The following TTN variants were observed in gnomAD, a reference collection of about 807,000 sequenced individuals.
The protein encoded by TTN is connectin.
A neutral mutation model predicts 3,223.0 loss-of-function variants in TTN; 1,525 were observed. The observed-to-expected ratio is 0.47, with a 90% CI of 0.45 to 0.49. The LOEUF (loss-of-function observed/expected upper bound fraction) is 0.49. Ranked by LOEUF, TTN falls within the 20% of genes least tolerant of loss-of-function variation. TTN has a pLI of 0.00. For missense variants in TTN, 40,786 were observed against 43,424.0 expected, an observed-to-expected ratio of 0.94 and a Z score of 5.40; for synonymous variants, 14,094 against 15,161.0, an observed-to-expected ratio of 0.93 and a Z score of 5.17.
At chr2:178,647,317 A>G in intron 214 of TTN, 64 bp downstream of exon 214, 1 of 1,508,884 alleles carries the variant, frequency 6.6e-7, no homozygotes, top group Non-Finnish European at 9.0e-7. Context: ...AGATTCATCT[A>G]CAATCAAAGC....
At position 178,621,906 on chromosome 2, in the gene TTN, C is replaced by A. The variant is rs557941825; in HGVS notation, c.45016G>T (p.Asp15006Tyr). ...TCACAGGAATATTCAGCTTCATCAT[C>A]CAGTAGACATTTGTTGATGACAAGA... ...RILVINKCLL[D>Y]DEAEYSCEVR... Residue 15006 changes from aspartate (D) to tyrosine (Y), a missense_variant, in exon 244 of 363, where the codon GAT (aspartate) becomes TAT (tyrosine). Physicochemically the swap from Asp to Tyr is radical, Grantham distance 160. Coordinates refer to ENST00000589042, the MANE Select transcript of TTN (RefSeq NM_001267550.2). The A allele has an allele frequency of 6.2e-7, 1 of 1,612,208 alleles. No homozygotes were observed. Among genetic ancestry groups the A allele is most frequent in the East Asian group, 2.2e-5 (1 of 44,590 alleles).
At chr2:178,710,068 T>C (rs1000651948) in intron 98 of TTN, among the ~76,000 whole-genome samples, 3 of 152,192 alleles carry the variant, frequency 2.0e-5, no homozygotes, top group Non-Finnish European at 4.4e-5. Context: ...TGATAAGAAG[T>C]AACTCATGGC....
chr2:178,672,662 G>A lies in TTN; in HGVS notation c.34828C>T (p.Gln11610Ter). ...TTGGCTGGGGGTGCCTCTTTTTTCT[G>A]AACAGGAACAGGTACTTTTTCCTCA... is the stretch of plus-strand genomic sequence containing the variant. ...IPEEKVPVPV[Q>*]KKEAPPAKVP... The change falls in exon 153 of 363, where the codon CAG becomes TAG. Residue 11610 changes from glutamine (Q) to a stop codon, truncating the protein, a stop_gained. Coordinates refer to ENST00000589042, the MANE Select transcript of TTN (RefSeq NM_001267550.2). LOFTEE classifies it high-confidence loss of function. The A allele has an allele frequency of 6.2e-7, 1 of 1,609,944 alleles. No homozygotes were observed.
At chr2:178,796,358 A>G (rs774668035) in intron 6 of TTN, among the ~76,000 whole-genome samples, 13 of 152,220 alleles carry the variant, frequency 8.5e-5, no homozygotes, top group Non-Finnish European at 1.8e-4. Flanking sequence ...TTTAGCTTAC[A>G]CTGATCATAC....
chr2:178,569,973 G>A lies in TTN; in HGVS notation c.76159C>T (p.Leu25387Phe), dbSNP rs879225322. The A allele has an allele frequency of 4.3e-6, 7 of 1,612,272 alleles. No homozygotes were observed. The highest frequency in any genetic ancestry group is 4.2e-6 in the Non-Finnish European group (5 of 1,178,966). Residue 25387 changes from leucine (L) to phenylalanine (F), a missense_variant, in exon 326 of 363, where the codon CTT becomes TTT. Physicochemically the swap from Leu to Phe is conservative, Grantham distance 22. Transcript: ENST00000589042. ...GCAGAAGGAGGGCTTGGTTCACTAA[G>A]TCCAGCAGCATTCTCAGCAGAAACT... ...FRVSAENAAG[L>F]SEPSPPSAYQ...
chr2:178,763,918 T>G (rs1478989269), intron 43 of TTN, among the ~76,000 whole-genome samples: 5 of 106,940 alleles, frequency 4.7e-5, no homozygotes, highest in Non-Finnish European at 9.8e-5. Flanking sequence ...TTTTTTAATA[T>G]TAGTGAAAAA....
rs909355106 is a variant in TTN at position 178,612,101 on chromosome 2, T to G, written c.50310A>C (p.Leu16770=). The change falls in exon 267 of 363, where the codon CTA becomes CTC. Residue 16770 remains leucine, a synonymous_variant. Transcript: ENST00000589042. ...VVDVTKRHVD[L]KWEPPKNDGG... ...CATCATTTTTAGGTGGCTCCCACTT[T>G]AGGTCAACATGTCGTTTTGTCACAT... The G allele has an allele frequency of 1.9e-6, 3 of 1,612,030 alleles. No homozygotes were observed. The Admixed American group carries it at 5.0e-5, about 27-fold the overall frequency.
rs2055238323 is a variant in TTN, at chr2:178,607,704, C to T, written c.53003-19G>A. ...GGAGGCTCTGTTGAAAGAGAACAGT[C>T]ATGCATTAGCCCATGAAAGATTAAA... On this transcript the variant is annotated intron_variant, in intron 276 of 362. Coordinates refer to ENST00000589042, the MANE Select transcript of TTN (RefSeq NM_001267550.2). 1 of 1,612,560 alleles carries T rather than the reference C, an allele frequency of 6.2e-7. No individual in the cohort carries two copies. Among genetic ancestry groups the T allele is most frequent in the Non-Finnish European group, 8.5e-7 (1 of 1,179,256 alleles).
Position 178,590,538 on chromosome 2 carries a change from A to G in TTN, c.61187T>C (p.Leu20396Pro). The change falls in exon 304 of 363, where the codon CTC becomes CCC. Residue 20396 changes from leucine (L) to proline (P), a missense_variant. Transcript: ENST00000589042. The part of the protein sequence containing the change: ...ETADLVWTKP[L>P]SDGGSPILGY... The stretch of plus-strand genomic sequence containing the variant: ...TAGAATGGGGCTACCACCATCACTG[A>G]GAGGCTTTGTCCACACCAAATCAGC... 4 of 1,612,874 alleles carry G rather than the reference A, an allele frequency of 2.5e-6. No individual in the cohort carries two copies. Among genetic ancestry groups the G allele is most frequent in the Non-Finnish European group, 3.4e-6 (4 of 1,179,336 alleles).
chr2:178,560,856 C>T lies in TTN; in HGVS notation c.85276G>A (p.Gly28426Arg). Residue 28426 changes from glycine to arginine, a missense_variant, in exon 326 of 363, where the codon GGG (glycine) becomes AGG (arginine). By Grantham distance (125) the Gly-to-Arg change is moderately radical. Transcript: ENST00000589042. Reference sequence around the variant, plus strand: ...TTCTTCAGTGTTAGTACATATTGCCCAGTGTCTCGTCTTATACAGTCTTTA... The same window carrying T: ...TTCTTCAGTGTTAGTACATATTGCCTAGTGTCTCGTCTTATACAGTCTTTA... ...TVKDCIRRDT[G>R]QYVLTLKNVA... is the part of the protein sequence containing the mutation. 6.2e-7 allele frequency: 1 copy of T among 1,613,652 alleles called. No individual in the cohort carries two copies. Among genetic ancestry groups the T allele is most frequent in the Non-Finnish European group, 8.5e-7 (1 of 1,179,784 alleles).
chr2:178,527,652 G>A lies in TTN; in HGVS notation c.107474C>T (p.Ala35825Val). Residue 35825 changes from alanine (A) to valine (V), a missense_variant, in exon 362 of 363, where the codon GCC (alanine) becomes GTC (valine). Coordinates refer to ENST00000589042, the MANE Select transcript of TTN (RefSeq NM_001267550.2). The stretch of plus-strand genomic sequence containing the variant: ...GCTGAAGGAGGCCTCCTGCTTGGAG[G>A]CAGACATTTGGACTGACTGAGACGA... Reference protein sequence around the residue: ...SFSSQSVQMSASKQEASFSSF... With the variant: ...SFSSQSVQMSVSKQEASFSSF... 6.2e-7 allele frequency: 1 copy of A among 1,613,918 alleles called. No individual in the cohort carries two copies.
At position 178,802,274 on chromosome 2, in the gene TTN, G is replaced by T; in HGVS notation, c.159C>A (p.Gly53=). 2 of 1,614,142 alleles carry T rather than the reference G, an allele frequency of 1.2e-6. No individual in the cohort carries two copies. Among genetic ancestry groups the T allele is most frequent in the East Asian group, 2.2e-5 (1 of 44,864 alleles). ...GGCCATCGCTAAAGGAGATCTGCAC[G>T]CCGGGCAGAGTGGAAGTGGAAATCA... ...GQVISTSTLP[G]VQISFSDGRA... Residue 53 remains glycine, a synonymous_variant, in exon 3 of 363, where the codon GGC becomes GGA. Coordinates refer to ENST00000589042, the MANE Select transcript of TTN (RefSeq NM_001267550.2).
At position 178,580,372 on chromosome 2, in the gene TTN, A is replaced by G; in HGVS notation, c.67007T>C (p.Leu22336Pro). Reference protein sequence around the residue: ...KYDAGKYILTLENSCGKKEYT... With the variant: ...KYDAGKYILTPENSCGKKEYT... The stretch of plus-strand genomic sequence containing the variant: ...TTCCTTTTTACCACAGCTGTTCTCC[A>G]GGGTTAAGATATATTTTCCTGCATC... The change falls in exon 317 of 363, where the codon CTG becomes CCG. Residue 22336 changes from leucine (L) to proline (P), a missense_variant. Physicochemically the swap from Leu to Pro is moderately conservative, Grantham distance 98. Transcript: ENST00000589042. 5 of 1,613,280 alleles carry G rather than the reference A, an allele frequency of 3.1e-6. No homozygotes were observed. The highest frequency in any genetic ancestry group is 4.2e-6 in the Non-Finnish European group (5 of 1,179,442).
rs528675109 is a variant in TTN, at chr2:178,795,078, C to T, written c.1089G>A (p.Thr363=). The change falls in exon 7 of 363, where the codon ACG becomes ACA. Residue 363 remains threonine, a synonymous_variant. Coordinates refer to ENST00000589042, the MANE Select transcript of TTN (RefSeq NM_001267550.2). ...TCCTGATCTGAGTAGAGGTTGTCAG[C>T]GTTGTCTCTCTCATCTCAGCCTCAG... ...SSSEAEMRET[T]LTTSTQIRTE... 1.5e-5 allele frequency: 25 copies of T among 1,613,822 alleles called. No individual in the cohort carries two copies. The highest frequency in any genetic ancestry group is 1.6e-4 in the Middle Eastern group (1 of 6,084).
chr2:178,717,378 A>G lies in TTN; in HGVS notation c.25356T>C (p.His8452=). The part of the protein sequence containing the change: ...SSSAKLILSE[H]EVPPFFDLKP... ...TTAGATCAAAGAAAGGAGGCACTTCATGCTCTGAAAAGAATGAAGACCAAC... is the reference window on the plus strand; with the variant it reads ...TTAGATCAAAGAAAGGAGGCACTTCGTGCTCTGAAAAGAATGAAGACCAAC... Residue 8452 remains histidine, a synonymous_variant, in exon 88 of 363, where the codon CAT becomes CAC. Transcript: ENST00000589042. 1 of 1,604,466 alleles carries G rather than the reference A, an allele frequency of 6.2e-7. No individual in the cohort carries two copies. Among genetic ancestry groups the G allele is most frequent in the Non-Finnish European group, 8.5e-7 (1 of 1,173,526 alleles).
chr2:178,653,276 A>C lies in TTN; in HGVS notation c.38753T>G (p.Leu12918Trp), dbSNP rs2562847. Residue 12918 changes from leucine to tryptophan, a missense_variant, in exon 198 of 363, where the codon TTG becomes TGG. Coordinates refer to ENST00000589042, the MANE Select transcript of TTN (RefSeq NM_001267550.2). ...KEVVLEKKVP[L>W]APPKKPEVPP... Reference sequence around the variant, plus strand: ...GACTTCAGGCTTTTTAGGAGGAGCCAAGGGCACTTTCTTTTCAAGGACAAC... The same window carrying C: ...GACTTCAGGCTTTTTAGGAGGAGCCCAGGGCACTTTCTTTTCAAGGACAAC... 2.1e-5 allele frequency: 34 copies of C among 1,612,302 alleles called. No homozygotes were observed. The highest frequency in any genetic ancestry group is 6.7e-5 in the East Asian group (3 of 44,816).
rs2050672836 is a variant in TTN at position 178,593,439 on chromosome 2, T to G, written c.58769A>C (p.Glu19590Ala). The change falls in exon 299 of 363, where the codon GAA (glutamate) becomes GCA (alanine). Residue 19590 changes from glutamate to alanine, a missense_variant. Transcript: ENST00000589042. Reference protein sequence around the residue: ...PDAPDQPIVTEVTKDSALVTW... With the variant: ...PDAPDQPIVTAVTKDSALVTW... ...TACTAATGCAGAGTCTTTGGTAACTTCTGTAACAATTGGCTGATCAGGTGC... is the reference window on the plus strand; with the variant it reads ...TACTAATGCAGAGTCTTTGGTAACTGCTGTAACAATTGGCTGATCAGGTGC... 6.2e-7 allele frequency: 1 copy of G among 1,612,968 alleles called. No individual in the cohort carries two copies. Among genetic ancestry groups the G allele is most frequent in the Non-Finnish European group, 8.5e-7 (1 of 1,179,564 alleles).
In TTN at chr2:178,632,644, C is replaced by A. The variant is rs878912118; in HGVS notation, c.43362G>T (p.Glu14454Asp). ...AATGCTTAGTGCCATCCTTTATAAG[C>A]TCAAATCTGTCATCACCTGTGATTT... ...TQEITGDDRF[E>D]LIKDGTKHSM... Residue 14454 changes from glutamate (E) to aspartate (D), a missense_variant, in exon 235 of 363, where the codon GAG (glutamate) becomes GAT (aspartate). Physicochemically the swap from Glu to Asp is conservative, Grantham distance 45 (BLOSUM62 2). Coordinates refer to ENST00000589042, the MANE Select transcript of TTN (RefSeq NM_001267550.2). 6.2e-7 allele frequency: 1 copy of A among 1,613,472 alleles called. No homozygotes were observed. Among genetic ancestry groups the A allele is most frequent in the Admixed American group, 1.7e-5 (1 of 59,980 alleles).
chr2:178,548,021 GAGA>G lies in TTN; in HGVS notation c.93602_93604del (p.Phe31201del). ...TTGAGGCTCCTTAATGATGACAGAA[GAGA>G]AGGCTTCTCTGGGTTCACTATAGCC... On this transcript the variant is annotated inframe_deletion, in exon 339 of 363. Coordinates refer to ENST00000589042, the MANE Select transcript of TTN (RefSeq NM_001267550.2). The surrounding 1 kb of genome is among the most constrained non-coding windows in gnomAD (Gnocchi z 4.3). The G allele has an allele frequency of 6.2e-7, 1 of 1,613,816 alleles. No homozygotes were observed. Among genetic ancestry groups the G allele is most frequent in the Non-Finnish European group, 8.5e-7 (1 of 1,179,786 alleles).
Sources: gnomAD v4.1 joint callset for allele counts (sites outside exome capture counted in the v4.1 genomes callset) on GRCh38, gnomAD v4.1.1 for gene constraint, Gnocchi (gnomAD v3.1) non-coding constraint, MANE v1.5 for transcripts, NCBI Gene and HGNC (gene_info 2026-07-23, HGNC 2026-07-21) for gene names.